HEBP1: variants seen among roughly 807,000 people sequenced by gnomAD.
HEBP1 encodes heme binding protein 1.
In HEBP1, 13 loss-of-function variants were observed where a neutral mutation model predicts 20.4. The observed-to-expected ratio is 0.64, with a 90% CI of 0.42 to 1.01. The LOEUF is 1.01. Ranked by LOEUF, HEBP1 falls within the 50% of genes least tolerant of loss-of-function variation. The pLI is 0.00. For missense variants in HEBP1, 241 were observed against 247.3 expected (o/e 0.97, Z 0.17); for synonymous variants, 92 against 90.7 (o/e 1.01, Z -0.08).
At position 12,975,239 on chromosome 12, in the gene HEBP1, C is replaced by T; in HGVS notation, c.*69G>A. ...GCAGCTGGAACTTGGGAAGCACTGT[C>T]CCCTCCTTACCCCCGAGGAAGGAGA... On this transcript the variant is annotated 3_prime_UTR_variant, in exon 4 of 4. Coordinates refer to ENST00000014930, the MANE Select transcript of HEBP1 (RefSeq NM_015987.5). 4 of 1,464,246 alleles carry T rather than the reference C, an allele frequency of 2.7e-6. No individual in the cohort carries two copies. Among genetic ancestry groups the T allele is most frequent in the South Asian group, 2.4e-5 (2 of 83,524 alleles). 90.7% of individuals were successfully genotyped at this position (1,464,246 alleles called of 1,614,324 possible). A position where few individuals can be genotyped will look rare whatever the true frequency, so the allele number is the denominator to read the frequency against.
rs547380783 is a variant in HEBP1 at position 12,999,518 on chromosome 12, G to A, written c.78+519C>T. Among the ~76,000 whole-genome samples, 30 of 152,344 alleles carry A rather than the reference G, an allele frequency of 2.0e-4. No individual in the cohort carries two copies. The South Asian group carries it at 5.8e-3, about 29-fold the overall frequency. ...GTCCCAGGAATCAAGATTTCATCCT[G>A]CTACGCAGAATGGCCGGAAACTTAA... On this transcript the variant is annotated intron_variant, in intron 1 of 3. Coordinates refer to ENST00000014930, the MANE Select transcript of HEBP1 (RefSeq NM_015987.5).
rs988516483 is a variant in HEBP1, at chr12:12,992,448, C to T, written c.79-3033G>A. Among the ~76,000 whole-genome samples the T allele has an allele frequency of 4.0e-5, 6 of 151,066 alleles. No individual in the cohort carries two copies. In the South Asian group the frequency reaches 1.3e-3, roughly 32 times the overall value. The stretch of plus-strand genomic sequence containing the variant: ...CGAACTCCTGACCTCAGGTGTTCTG[C>T]CCACCTCGGCCTCCCAAAGTGCTGG... On this transcript the variant is annotated intron_variant, in intron 1 of 3. Coordinates refer to ENST00000014930, the MANE Select transcript of HEBP1 (RefSeq NM_015987.5).
chr12:12,988,453 G>A (rs548258451), intron 2 of HEBP1, among the ~76,000 whole-genome samples: 1 of 152,086 alleles, frequency 6.6e-6, no homozygotes, highest in South Asian at 2.1e-4. Flanking sequence ...AGTAAGTAAA[G>A]GAATAAAAGA....
rs1863957429 is a variant in HEBP1, at chr12:12,974,918, A to G, written c.*390T>C. On this transcript the variant is annotated 3_prime_UTR_variant, in exon 4 of 4. Coordinates refer to ENST00000014930, the MANE Select transcript of HEBP1 (RefSeq NM_015987.5). ...TTATTTTTAGTTTTTCTGAAGACAA[A>G]GCTCTTATAAGAATCACAGATGAAA... is the stretch of plus-strand genomic sequence containing the variant. 5.3e-6 allele frequency: 1 copy of G among 187,674 alleles called. No individual in the cohort carries two copies. Among genetic ancestry groups the G allele is most frequent in the African/African-American group, 2.4e-5 (1 of 41,682 alleles). The allele number at this position is 187,674 out of a possible 1,614,324, so 11.6% of individuals were successfully genotyped here.
At chr12:12,984,182 C>T (rs1183348817) in intron 3 of HEBP1, 1 of 154,534 alleles carries the variant, frequency 6.5e-6, no homozygotes, top group Non-Finnish European at 1.4e-5. Context: ...ATGTATCTGG[C>T]TTTTTCTATA....
At chr12:12,992,724 GTGTTT>G (rs1232787177) in intron 1 of HEBP1, among the ~76,000 whole-genome samples, 1 of 152,126 alleles carries the variant, frequency 6.6e-6, no homozygotes, top group Admixed American at 6.5e-5. Context: ...TAAACTTAGG[GTGTTT>G]TGCTCTTTCT....
At chr12:12,976,097 A>C (rs1012275951) in intron 3 of HEBP1, among the ~76,000 whole-genome samples, 21 of 150,200 alleles carry the variant, frequency 1.4e-4, no homozygotes, top group African/African-American at 3.9e-4. Context: ...AAAAAAAAAA[A>C]AACAAACCAA....
chr12:12,989,460 A>G (rs1864192139), intron 1 of HEBP1, 45 bp from the exon 2 acceptor site: 1 of 1,599,134 alleles, frequency 6.3e-7, no homozygotes, highest in African/African-American at 1.3e-5. Context: ...CAAAGTAGCA[A>G]CTTGTGATGT....
intron 2 of HEBP1, among the ~76,000 whole-genome samples, chr12:12,987,606 C>T (rs981559903): frequency 7.5e-6 from 1 of 133,268 alleles, no homozygotes; most frequent in East Asian, 2.3e-4. Flanking sequence ...CTCTCTCTCT[C>T]TCTCTTTCTC....
At chr12:12,999,792 C>G (rs1027576435) in intron 1 of HEBP1, among the ~76,000 whole-genome samples, 2 of 152,272 alleles carry the variant, frequency 1.3e-5, no homozygotes, top group African/African-American at 4.8e-5. Context: ...TTGGGATTCT[C>G]TCCTTGGATC....
chr12:12,985,881 T>C (rs1028257819), intron 3 of HEBP1: 1 of 152,046 alleles, frequency 6.6e-6, no homozygotes, highest in African/African-American at 2.4e-5. Context: ...TCAAATAAAA[T>C]ACAAGTTCAT....
chr12:12,999,990 G>C, intron 1 of HEBP1, 47 bp downstream of exon 1: 1 of 1,350,300 alleles, frequency 7.4e-7, no homozygotes, highest in Non-Finnish European at 1.1e-6. Context: ...GAGGGTGGGG[G>C]TGGGAGGCAG....
intron 1 of HEBP1, among the ~76,000 whole-genome samples, chr12:12,993,659 T>C (rs749907597): frequency 2.6e-5 from 4 of 152,152 alleles, no homozygotes; most frequent in Non-Finnish European, 5.9e-5. Flanking sequence ...GTTACTTCTT[T>C]TACAAATGGG....
rs145821079 is a variant in HEBP1, at chr12:12,987,590, T to TTCTCTCTC, written c.218-266_218-259dup. On this transcript the variant is annotated intron_variant, in intron 2 of 3. Coordinates refer to ENST00000014930, the MANE Select transcript of HEBP1 (RefSeq NM_015987.5). ...TCAAGACTGTAGATTATCAGTCTCTTTCTCTCTCTCTCTCTCTCTCTTTCT... is the reference window on the plus strand; with the variant it reads ...TCAAGACTGTAGATTATCAGTCTCTTTCTCTCTCTCTCTCTCTCTCTCTCTCTCTTTCT... Among the ~76,000 whole-genome samples, 199 of 133,296 alleles carry TTCTCTCTC rather than the reference T, an allele frequency of 1.5e-3. 4 individuals carry two copies. Among genetic ancestry groups the TTCTCTCTC allele is most frequent in the South Asian group, 0.013 (51 of 4,044 alleles). 87.4% of individuals were successfully genotyped at this position (133,296 alleles called of 152,430 possible).
rs1219630979 is a variant in HEBP1, at chr12:12,998,186, T to C, written c.78+1851A>G. Among the ~76,000 whole-genome samples the C allele has an allele frequency of 6.6e-6, 1 of 152,152 alleles. No individual in the cohort carries two copies. The highest frequency in any genetic ancestry group is 2.4e-5 in the African/African-American group (1 of 41,430). ...GCACTGATCACTATCTGATCCATGA[T>C]ACATTTTATTTGTTCATTAGCCAAT... On this transcript the variant is annotated intron_variant, in intron 1 of 3. Coordinates refer to ENST00000014930, the MANE Select transcript of HEBP1 (RefSeq NM_015987.5). This position sits in a 1 kb window ranked among gnomAD's most constrained non-coding sequence, Gnocchi z 4.2.
In HEBP1 at chr12:12,986,021, AGT is replaced by A. The variant is rs1370727033; in HGVS notation, c.398+1129_398+1130del. ...CATCCTGCACTTGGACAGCTGTGAGAGTGAGTGCTTCCTTAAATGCTGCACCC... is the reference window on the plus strand; with the variant it reads ...CATCCTGCACTTGGACAGCTGTGAGAGAGTGCTTCCTTAAATGCTGCACCC... On this transcript the variant is annotated intron_variant, in intron 3 of 3. Transcript: ENST00000014930. This position sits in a 1 kb window ranked among gnomAD's most constrained non-coding sequence, Gnocchi z 4.3. The A allele has an allele frequency of 2.6e-5, 4 of 152,348 alleles. No homozygotes were observed. Among genetic ancestry groups the A allele is most frequent in the African/African-American group, 9.6e-5 (4 of 41,588 alleles). 9.4% of individuals were successfully genotyped at this position (152,348 alleles called of 1,614,324 possible).
intron 1 of HEBP1, among the ~76,000 whole-genome samples, chr12:12,997,010 A>G (rs942250506): frequency 1.3e-5 from 2 of 152,254 alleles, no homozygotes; most frequent in African/African-American, 2.4e-5. Context: ...TAGGGTATGT[A>G]TACTACTTTA....
intron 1 of HEBP1, among the ~76,000 whole-genome samples, chr12:12,992,473 G>C (rs1309178079): frequency 1.1e-5 from 1 of 88,344 alleles, no homozygotes; most frequent in East Asian, 8.3e-4. Flanking sequence ...CAAAGTGCTG[G>C]GATTACAGGT....
At chr12:12,987,862 C>A (rs888102804) in intron 2 of HEBP1, among the ~76,000 whole-genome samples, 1 of 152,088 alleles carries the variant, frequency 6.6e-6, no homozygotes, top group African/African-American at 2.4e-5. Context: ...GTCTTAAACT[C>A]CTACCTCAAG....
Sources: gnomAD v4.1 joint callset for allele counts (sites outside exome capture counted in the v4.1 genomes callset) on GRCh38, gnomAD v4.1.1 for gene constraint, Gnocchi (gnomAD v3.1) non-coding constraint, MANE v1.5 for transcripts, NCBI Gene and HGNC (gene_info 2026-07-23, HGNC 2026-07-21) for gene names.